ADGRF3: variants seen among roughly 807,000 people sequenced by gnomAD.
The protein encoded by ADGRF3 is G protein-coupled receptor 113.
A neutral mutation model predicts 93.2 loss-of-function variants in ADGRF3; 85 were observed. The observed-to-expected ratio is 0.91, with a 90% CI of 0.77 to 1.09. The LOEUF is 1.09. ADGRF3 is among the 50% of genes least tolerant of loss of function. The pLI is 0.00. For missense variants in ADGRF3, 1,125 were observed against 1,246.2 expected, an observed-to-expected ratio of 0.90 and a Z score of 1.46; for synonymous variants, 534 against 532.5, an observed-to-expected ratio of 1.00 and a Z score of -0.04.
chr2:26,346,273 G>A lies in ADGRF3; in HGVS notation c.-39C>T. ...TACGTGAGCCCGGAGCAGCTGGCTG[G>A]CTTTGATAAGTACAAGGTACCGCGG... On this transcript the variant is annotated 5_prime_UTR_variant, in exon 1 of 14. Transcript: ENST00000651242. The A allele has an allele frequency of 6.2e-7, 1 of 1,613,546 alleles. No homozygotes were observed. Among genetic ancestry groups the A allele is most frequent in the Non-Finnish European group, 8.5e-7 (1 of 1,179,578 alleles).
chr2:26,330,780 T>G (rs1231439450), intron 1 of ADGRF3, among the ~76,000 whole-genome samples: 1 of 152,218 alleles, frequency 6.6e-6, no homozygotes, highest in Admixed American at 6.5e-5. Flanking sequence ...GGATTTGAGG[T>G]TGCCTTGAGT....
At chr2:26,326,974 G>C (rs11126436) in intron 1 of ADGRF3, among the ~76,000 whole-genome samples, 104,108 of 152,136 alleles carry the variant, frequency 0.68, 38,511 homozygotes, top group Non-Finnish European at 0.83. Context: ...TTCACCATGT[G>C]GGCCAGGCTA....
intron 1 of ADGRF3, among the ~76,000 whole-genome samples, chr2:26,329,108 G>A (rs1417854047): frequency 6.6e-6 from 1 of 152,190 alleles, no homozygotes; most frequent in Non-Finnish European, 1.5e-5. Flanking sequence ...AAACAAAAAA[G>A]CACAGGTTGA....
chr2:26,319,247 C>A, intron 1 of ADGRF3: 1 of 557,636 alleles, frequency 1.8e-6, no homozygotes, highest in Admixed American at 3.2e-5. Context: ...CCACATGCCC[C>A]AGTGAGAATG....
intron 1 of ADGRF3, among the ~76,000 whole-genome samples, chr2:26,336,735 A>T (rs1238128287): frequency 2.7e-5 from 4 of 149,996 alleles, no homozygotes; most frequent in African/African-American, 4.9e-5. Flanking sequence ...AAAAAAAAAA[A>T]AAAAAAAAAA....
chr2:26,327,678 A>G (rs1190726667), intron 1 of ADGRF3, among the ~76,000 whole-genome samples: 1 of 141,498 alleles, frequency 7.1e-6, no homozygotes, highest in Non-Finnish European at 1.5e-5. Context: ...TGGAAATTCA[A>G]GAGAGCACAT....
rs766798822 is a variant in ADGRF3 at position 26,313,586 on chromosome 2, G to A, written c.1073-13C>T. 1.2e-5 allele frequency: 19 copies of A among 1,597,540 alleles called. No homozygotes were observed. The highest frequency in any genetic ancestry group is 1.1e-4 in the South Asian group (10 of 89,104). ...GTGATGTCTCCATCTGAAGAATGAC[G>A]AGCAGGCGCTACTCAGCAATCACAG... On this transcript the variant is annotated splice_polypyrimidine_tract_variant and intron_variant, in intron 7 of 13. Transcript: ENST00000651242.
chr2:26,329,017 G>C (rs1334057483), intron 1 of ADGRF3, among the ~76,000 whole-genome samples: 1 of 152,254 alleles, frequency 6.6e-6, no homozygotes, highest in Non-Finnish European at 1.5e-5. Context: ...TATGAATATT[G>C]AGAGGGATAT....
intron 1 of ADGRF3, among the ~76,000 whole-genome samples, chr2:26,319,594 C>CCTTA (rs1675014536): frequency 1.3e-5 from 1 of 74,314 alleles, no homozygotes; most frequent in Non-Finnish European, 2.8e-5. Context: ...TTCCTTCCTT[C>CCTTA]CTTCCTTCCT....
At chr2:26,345,887 A>G in intron 1 of ADGRF3, 2 of 542,602 alleles carry the variant, frequency 3.7e-6, no homozygotes, top group Non-Finnish European at 6.5e-6. Flanking sequence ...ACCTCAGCTC[A>G]CCAATTTTGA....
At chr2:26,316,511 G>A in intron 3 of ADGRF3, 63 bp from the exon 4 acceptor site, 3 of 1,477,296 alleles carry the variant, frequency 2.0e-6, no homozygotes, top group Non-Finnish European at 2.7e-6. Context: ...GGGCAGGGCA[G>A]ACACCTGCCT....
chr2:26,346,424 C>CTG lies in ADGRF3; in HGVS notation c.-192_-191dup. 1 of 1,114,142 alleles carries CTG rather than the reference C, an allele frequency of 9.0e-7. No homozygotes were observed. Among genetic ancestry groups the CTG allele is most frequent in the South Asian group, 1.7e-5 (1 of 57,898 alleles). The allele number at this position is 1,114,142 out of a possible 1,614,324, so 69.0% of individuals were successfully genotyped here. A position where few individuals can be genotyped will look rare whatever the true frequency, so the allele number is the denominator to read the frequency against. On this transcript the variant is annotated 5_prime_UTR_variant, in exon 1 of 14. An upstream open reading frame in the 5' UTR loses its in-frame stop. Coordinates refer to ENST00000651242, the MANE Select transcript of ADGRF3 (RefSeq NM_001321971.2). ...GCTGGCGGGCGTTCCTCCGGAGGTC[C>CTG]TGCGGGTCCTGGGGATTGGGGGTCG...
rs775490208 is a variant in ADGRF3 at position 26,315,785 on chromosome 2, G to A, written c.500-45C>T. ...AGGGGACCCTGGAGGAGGGACTTAT[G>A]GCCCTCAGATGCAGCCGAGCAATGG... On this transcript the variant is annotated intron_variant, in intron 4 of 13. Coordinates refer to ENST00000651242, the MANE Select transcript of ADGRF3 (RefSeq NM_001321971.2). 61 of 1,549,034 alleles carry A rather than the reference G, an allele frequency of 3.9e-5. No homozygotes were observed. The African/African-American group carries it at 7.1e-4, about 18-fold the overall frequency.
At chr2:26,334,681 T>C (rs777224096) in intron 1 of ADGRF3, among the ~76,000 whole-genome samples, 4 of 152,214 alleles carry the variant, frequency 2.6e-5, no homozygotes, top group Non-Finnish European at 5.9e-5. Context: ...CAGGTTATCC[T>C]AACAAGCATT....
chr2:26,316,017 C>A (rs777626173), intron 4 of ADGRF3, among the ~76,000 whole-genome samples: 3 of 152,182 alleles, frequency 2.0e-5, no homozygotes, highest in Non-Finnish European at 4.4e-5. Flanking sequence ...CTGCTTCCTG[C>A]CTCCTAAGGT....
intron 1 of ADGRF3, among the ~76,000 whole-genome samples, chr2:26,330,367 A>G (rs77687513): frequency 6.6e-6 from 1 of 152,150 alleles, no homozygotes; most frequent in Non-Finnish European, 1.5e-5. Flanking sequence ...CTTTCTGGTC[A>G]TTCTAGTACT....
In ADGRF3 at chr2:26,313,777, G is replaced by A; in HGVS notation, c.1055C>T (p.Ser352Phe). 1 of 1,613,992 alleles carries A rather than the reference G, an allele frequency of 6.2e-7. No homozygotes were observed. Among genetic ancestry groups the A allele is most frequent in the Non-Finnish European group, 8.5e-7 (1 of 1,179,892 alleles). Residue 352 changes from serine (S) to phenylalanine (F), a missense_variant, in exon 7 of 14, where the codon TCC becomes TTC. Ser to Phe is a radical substitution (Grantham distance 155). Transcript: ENST00000651242. ...LGLAPLRVPI[S>F]ITIIQDGDIT... Reference sequence around the variant, plus strand: ...CTGCGTACCCTGGATGATGGTGATGGAGATGGGGACCCTGAGTGGAGCCAG... The same window carrying A: ...CTGCGTACCCTGGATGATGGTGATGAAGATGGGGACCCTGAGTGGAGCCAG...
intron 12 of ADGRF3, 129 bp downstream of exon 12, chr2:26,309,914 T>G (rs1167509389): frequency 6.3e-7 from 1 of 1,591,986 alleles, no homozygotes; most frequent in Admixed American, 1.8e-5. Flanking sequence ...CGGAAAACTG[T>G]TCATTCTAAA....
intron 3 of ADGRF3, 44 bp from the exon 4 acceptor site, chr2:26,316,492 A>C (rs1332804745): frequency 6.5e-7 from 1 of 1,536,118 alleles, no homozygotes; most frequent in East Asian, 2.4e-5. Flanking sequence ...CTGTCTGAAG[A>C]AGCTAGGTGG....
Sources: allele counts gnomAD v4.1 joint callset (sites outside exome capture counted in the v4.1 genomes callset), GRCh38; gene constraint gnomAD v4.1.1; transcripts MANE v1.5; gene names NCBI Gene and HGNC (gene_info 2026-07-23, HGNC 2026-07-21).